MTUS2: variants seen among roughly 807,000 people sequenced by gnomAD.
The protein encoded by MTUS2 is microtubule associated scaffold protein 2.
A neutral mutation model predicts 114.1 loss-of-function variants in MTUS2; 40 were observed. That is an observed-to-expected ratio of 0.35 (90% CI 0.27 to 0.46). MTUS2 has a LOEUF of 0.46. MTUS2 is among the 20% of genes least tolerant of loss of function. The pLI is 1.00. For missense variants in MTUS2, 1,679 were observed against 1,705.4 expected (o/e 0.98, Z 0.27); for synonymous variants, 688 against 672.0 (o/e 1.02, Z -0.37).
chr13:29,339,971 C>T (rs1901305661), intron 7 of MTUS2: 1 of 152,394 alleles, frequency 6.6e-6, no homozygotes, highest in Non-Finnish European at 1.5e-5. Context: ...GGGACGTTCT[C>T]TTAGAAATTC....
At position 29,145,349 on chromosome 13, in the gene MTUS2, A is replaced by G. The variant is rs537114173; in HGVS notation, c.2644+44379A>G. Among the ~76,000 whole-genome samples, 418 of 152,142 alleles carry G rather than the reference A, an allele frequency of 2.7e-3. 2 individuals carry two copies. Among genetic ancestry groups the G allele is most frequent in the African/African-American group, 9.6e-3 (399 of 41,506 alleles). On this transcript the variant is annotated intron_variant, in intron 5 of 15. Coordinates refer to ENST00000612955, the MANE Select transcript of MTUS2 (RefSeq NM_001033602.4). ...AGCCTGGCCGGGATGGTGAAACCCC[A>G]TCTCTACTAAAAATACAAAAATGAG...
chr13:29,168,845 G>A (rs1206339900), intron 5 of MTUS2, among the ~76,000 whole-genome samples: 1 of 148,880 alleles, frequency 6.7e-6, no homozygotes, highest in Non-Finnish European at 1.5e-5. Flanking sequence ...CTACTGTTTT[G>A]CAGACACCAC....
intron 5 of MTUS2, among the ~76,000 whole-genome samples, chr13:29,180,285 C>A (rs1309066979): frequency 1.3e-5 from 2 of 152,136 alleles, no homozygotes; most frequent in African/African-American, 4.8e-5. Flanking sequence ...GGTCACTTGA[C>A]CCCAATACCT....
chr13:28,895,525 T>A (rs1310445476), intron 2 of MTUS2, among the ~76,000 whole-genome samples: 1 of 152,198 alleles, frequency 6.6e-6, no homozygotes, highest in Non-Finnish European at 1.5e-5. Context: ...TAAATAGTAT[T>A]ATTAGATAGT....
intron 5 of MTUS2, among the ~76,000 whole-genome samples, chr13:29,142,770 G>C (rs2139007840): frequency 6.6e-6 from 1 of 152,294 alleles, no homozygotes; most frequent in East Asian, 1.9e-4. Context: ...GGCCCAGGTA[G>C]AGCTGGATAG....
At chr13:28,994,373 C>T (rs970192198) in intron 2 of MTUS2, among the ~76,000 whole-genome samples, 18 of 152,078 alleles carry the variant, frequency 1.2e-4, no homozygotes, top group South Asian at 4.1e-4. Context: ...CGTGTGCATG[C>T]GTCTTTATAG....
chr13:29,051,099 G>C (rs1566326664), intron 4 of MTUS2, among the ~76,000 whole-genome samples: 1 of 152,202 alleles, frequency 6.6e-6, no homozygotes, highest in Admixed American at 6.6e-5. Flanking sequence ...GAATAGGAGA[G>C]GTAATGGCAG....
At chr13:28,992,823 A>G (rs1300396451) in intron 2 of MTUS2, among the ~76,000 whole-genome samples, 1 of 152,116 alleles carries the variant, frequency 6.6e-6, no homozygotes, top group African/African-American at 2.4e-5. Flanking sequence ...AACCATCACC[A>G]CCATCCGTCT....
chr13:29,308,607 G>C (rs913425754), intron 6 of MTUS2, among the ~76,000 whole-genome samples: 1 of 152,190 alleles, frequency 6.6e-6, no homozygotes, highest in Admixed American at 6.5e-5. Flanking sequence ...TCATCAGAGT[G>C]AACAGGCAAC....
At chr13:29,420,407 AGCTG>A (rs1307734989) in intron 8 of MTUS2, among the ~76,000 whole-genome samples, 2 of 151,578 alleles carry the variant, frequency 1.3e-5, no homozygotes, top group Admixed American at 6.6e-5. Context: ...CCTCCCAAGT[AGCTG>A]GGATTTCAGG....
At chr13:29,431,992 G>T (rs1877023881) in intron 8 of MTUS2, among the ~76,000 whole-genome samples, 1 of 148,596 alleles carries the variant, frequency 6.7e-6, no homozygotes, top group East Asian at 2.0e-4. Context: ...CCACAAGTGT[G>T]CACTACCACG....
At chr13:29,455,233 G>A (rs907454037) in intron 9 of MTUS2, among the ~76,000 whole-genome samples, 1 of 152,186 alleles carries the variant, frequency 6.6e-6, no homozygotes, top group African/African-American at 2.4e-5. Context: ...GGATTACATG[G>A]GGGGTTTCCC....
chr13:29,192,722 G>A (rs1223535977), intron 5 of MTUS2, among the ~76,000 whole-genome samples: 1 of 152,052 alleles, frequency 6.6e-6, no homozygotes, highest in East Asian at 1.9e-4. Flanking sequence ...CCTAAAAAAA[G>A]AAATATGTTT....
chr13:29,059,228 A>ATTTT (rs35369352), intron 4 of MTUS2, among the ~76,000 whole-genome samples: 14 of 97,140 alleles, frequency 1.4e-4, no homozygotes, highest in East Asian at 7.2e-4. Flanking sequence ...TATTCTTTGG[A>ATTTT]TTTTTTTTTT....
intron 5 of MTUS2, among the ~76,000 whole-genome samples, chr13:29,179,541 T>A (rs1893912823): frequency 6.6e-6 from 1 of 152,144 alleles, no homozygotes; most frequent in African/African-American, 2.4e-5. Context: ...TTATACCTTC[T>A]ATTCTCAGCC....
chr13:28,989,448 C>G (rs1236450657), intron 2 of MTUS2, among the ~76,000 whole-genome samples: 1 of 152,200 alleles, frequency 6.6e-6, no homozygotes, highest in Non-Finnish European at 1.5e-5. Flanking sequence ...TTAACAAAGT[C>G]CCTTGCCAGC....
chr13:29,503,309 C>T lies in MTUS2; in HGVS notation c.*103C>T, dbSNP rs1883035571. The T allele has an allele frequency of 3.8e-6, 5 of 1,332,290 alleles. No homozygotes were observed. Among genetic ancestry groups the T allele is most frequent in the Non-Finnish European group, 5.2e-6 (5 of 957,992 alleles). 82.5% of individuals were successfully genotyped at this position (1,332,290 alleles called of 1,614,324 possible). A position where few individuals can be genotyped will look rare whatever the true frequency, so the allele number is the denominator to read the frequency against. On this transcript the variant is annotated 3_prime_UTR_variant, in exon 16 of 16. Coordinates refer to ENST00000612955, the MANE Select transcript of MTUS2 (RefSeq NM_001033602.4). Reference sequence around the variant, plus strand: ...CCGGAGCTGGCCCTGTGCGCATGCTCAGTAGCTGCGAATGCATCCTAGGCG... The same window carrying T: ...CCGGAGCTGGCCCTGTGCGCATGCTTAGTAGCTGCGAATGCATCCTAGGCG...
rs193232540 is a variant in MTUS2, at chr13:29,025,314, C to T, written c.616C>T (p.Arg206Trp). 2.3e-4 allele frequency: 371 copies of T among 1,613,898 alleles called. No individual in the cohort carries two copies. In the African/African-American group the frequency reaches 3.8e-3, roughly 17 times the overall value. ...TCTATCCCTCGACTCCCGGGAAGCACGGGGTCAGATACCTGGGGGTGGGGA... is the reference window on the plus strand; with the variant it reads ...TCTATCCCTCGACTCCCGGGAAGCATGGGGTCAGATACCTGGGGGTGGGGA... Reference protein sequence around the residue: ...QPLSLDSREARGQIPGGGEGP... With the variant: ...QPLSLDSREAWGQIPGGGEGP... The change falls in exon 3 of 16, where the codon CGG (arginine) becomes TGG (tryptophan). Residue 206 changes from arginine to tryptophan, a missense_variant. This residue lies in a region of MTUS2 where 843 missense variants were observed against 770.8 expected (regional missense o/e 1.09). Transcript: ENST00000612955.
chr13:29,175,298 T>A (rs2139134342), intron 5 of MTUS2, among the ~76,000 whole-genome samples: 1 of 152,340 alleles, frequency 6.6e-6, no homozygotes, highest in Admixed American at 6.5e-5. Context: ...CATAAATATT[T>A]ATGGGTCATT....
Sources: allele counts gnomAD v4.1 joint callset (sites outside exome capture counted in the v4.1 genomes callset), GRCh38; gene constraint gnomAD v4.1.1; regional missense constraint gnomAD v4.1.1; transcripts MANE v1.5; gene names NCBI Gene and HGNC (gene_info 2026-07-23, HGNC 2026-07-21).